Variants in SLA observed in about 807,000 individuals in gnomAD.
SLA encodes Src like adaptor, also known as src-like-adapter.
SLA carries 16 observed loss-of-function variants against 30.3 expected under a neutral mutation model. The ratio of observed to expected loss-of-function variants is 0.53; its 90% CI spans 0.36 to 0.80. The LOEUF is 0.80. Among genes scored for constraint, SLA ranks in the 30% least tolerant of loss-of-function variants. The probability of loss-of-function intolerance (pLI) is 0.01; values close to 1 mark genes in which losing one functional copy is unlikely to be tolerated. For synonymous variants in SLA, 143 were observed against 137.8 expected, an observed-to-expected ratio of 1.04 and a Z score of -0.26; for missense variants, 310 against 345.2, an observed-to-expected ratio of 0.90 and a Z score of 0.81.
intron 3 of SLA, 80 bp from the exon 4 acceptor site, chr8:133,050,995 G>T (rs113255650): frequency 3.8e-6 from 3 of 781,030 alleles, no homozygotes; most frequent in African/African-American, 3.5e-5. Context: ...TGGGAGGGAG[G>T]GTATGAAGAT....
intron 3 of SLA, among the ~76,000 whole-genome samples, chr8:133,053,833 C>T (rs1235213606): frequency 1.3e-5 from 2 of 152,134 alleles, no homozygotes; most frequent in African/African-American, 2.4e-5. Context: ...GTGGAATTTC[C>T]GTAATAGTGA....
chr8:133,039,724 A>G (rs1837798569), intron 8 of SLA, among the ~76,000 whole-genome samples: 1 of 152,232 alleles, frequency 6.6e-6, no homozygotes, highest in South Asian at 2.1e-4. Flanking sequence ...GCTAGAATGT[A>G]TATTGCTAGC....
At chr8:133,058,942 G>A in intron 3 of SLA, 1 of 473,150 alleles carries the variant, frequency 2.1e-6, no homozygotes, top group South Asian at 1.5e-5. Context: ...GCTGGGTCTT[G>A]GCATGCTGGC....
intron 1 of SLA, chr8:133,076,044 T>C (rs985184845): frequency 1.3e-5 from 2 of 152,176 alleles, no homozygotes; most frequent in African/African-American, 4.8e-5. Flanking sequence ...CTCAGGCACA[T>C]GGGGCTTCAG....
chr8:133,036,766 G>T lies in SLA; in HGVS notation c.*1758C>A, dbSNP rs1354803187. 4 of 152,602 alleles carry T rather than the reference G, an allele frequency of 2.6e-5. No individual in the cohort carries two copies. In the East Asian group the frequency reaches 7.7e-4, roughly 29 times the overall value. 9.5% of individuals were successfully genotyped at this position (152,602 alleles called of 1,614,324 possible). On this transcript the variant is annotated 3_prime_UTR_variant, in exon 9 of 9. Coordinates refer to ENST00000338087, the MANE Select transcript of SLA (RefSeq NM_001045556.3). ...ATATTTATTAGGTTTGTTTTAATCA[G>T]GAATAAATACATGATTTAGCAAAGT...
intron 7 of SLA, among the ~76,000 whole-genome samples, chr8:133,041,170 G>A (rs544215821): frequency 1.1e-3 from 165 of 152,338 alleles, no homozygotes; most frequent in Non-Finnish European, 9.0e-4. Flanking sequence ...AGGGGGTGAG[G>A]TGCCACTGGC....
At chr8:133,062,442 C>T (rs983156879) in intron 2 of SLA, among the ~76,000 whole-genome samples, 6 of 152,370 alleles carry the variant, frequency 3.9e-5, no homozygotes, top group South Asian at 2.1e-4. Flanking sequence ...CCACATTCCC[C>T]GCAGTTCAGC....
chr8:133,090,188 A>G (rs1330027960), intron 1 of SLA: 5 of 152,356 alleles, frequency 3.3e-5, no homozygotes, highest in Admixed American at 3.3e-4. Context: ...TGATTTCAAT[A>G]AGCCAGCATT....
At chr8:133,086,612 G>A (rs1362152051) in intron 1 of SLA, among the ~76,000 whole-genome samples, 3 of 152,138 alleles carry the variant, frequency 2.0e-5, no homozygotes, top group African/African-American at 2.4e-5. Flanking sequence ...TCATGGATAT[G>A]TGAATAGATT....
intron 1 of SLA, among the ~76,000 whole-genome samples, chr8:133,082,730 A>G (rs1258382747): frequency 6.6e-6 from 1 of 152,170 alleles, no homozygotes; most frequent in Non-Finnish European, 1.5e-5. Context: ...GCACAAAATG[A>G]CGGTAGGATC....
intron 1 of SLA, among the ~76,000 whole-genome samples, chr8:133,094,365 C>G (rs1848089427): frequency 6.6e-6 from 1 of 151,614 alleles, no homozygotes; most frequent in African/African-American, 2.4e-5. Context: ...CTCAGCCTCC[C>G]AAGTAGCAGG....
chr8:133,080,942 G>A (rs1030746792), intron 1 of SLA, among the ~76,000 whole-genome samples: 3 of 152,202 alleles, frequency 2.0e-5, no homozygotes, highest in African/African-American at 7.2e-5. Flanking sequence ...AAGGCCACTT[G>A]GTGTTTTATT....
At chr8:133,066,097 G>A (rs1842994606) in intron 2 of SLA, among the ~76,000 whole-genome samples, 1 of 152,168 alleles carries the variant, frequency 6.6e-6, no homozygotes, top group Non-Finnish European at 1.5e-5. Flanking sequence ...GCTGAGGCGG[G>A]CAGATCACGA....
chr8:133,102,100 C>T (rs1253071130), intron 1 of SLA, among the ~76,000 whole-genome samples: 1 of 152,176 alleles, frequency 6.6e-6, no homozygotes, highest in Middle Eastern at 3.2e-3. Context: ...GTTCTTTTCC[C>T]TTAATTTTTT....
At chr8:133,040,830 G>A (rs529197352) in intron 7 of SLA, among the ~76,000 whole-genome samples, 151 of 152,258 alleles carry the variant, frequency 9.9e-4, no homozygotes, top group African/African-American at 2.9e-3. Context: ...AGAGGGCAAA[G>A]AGAATGCAGA....
rs529765905 is a variant in SLA at position 133,063,643 on chromosome 8, G to C, written c.-40-3443C>G. On this transcript the variant is annotated intron_variant, in intron 2 of 8. Coordinates refer to ENST00000338087, the MANE Select transcript of SLA (RefSeq NM_001045556.3). Reference sequence around the variant, plus strand: ...AGGCCTGGGTTCTTCTACGCTAACAGTCTTCTCTGCTGTTGCTTGCACTCC... The same window carrying C: ...AGGCCTGGGTTCTTCTACGCTAACACTCTTCTCTGCTGTTGCTTGCACTCC... 2.6e-5 allele frequency: 4 copies of C among 152,306 alleles called. No individual in the cohort carries two copies. In the South Asian group the frequency reaches 8.3e-4, roughly 32 times the overall value. The allele number at this position is 152,306 out of a possible 1,614,324, so 9.4% of individuals were successfully genotyped here. A position where few individuals can be genotyped will look rare whatever the true frequency, so the allele number is the denominator to read the frequency against.
chr8:133,075,126 A>C lies in SLA; in HGVS notation c.-314T>G. 2.0e-6 allele frequency: 2 copies of C among 985,400 alleles called. No homozygotes were observed. The highest frequency in any genetic ancestry group is 2.4e-6 in the Non-Finnish European group (2 of 829,890). The allele number at this position is 985,400 out of a possible 1,614,324, so 61.0% of individuals were successfully genotyped here. On this transcript the variant is annotated 5_prime_UTR_variant, in exon 2 of 9. Transcript: ENST00000338087. ...CCACTCTGAGCAAGCTTCTCTCTGC[A>C]AGGACTGGGAAGATAGATGGGTTAT...
At position 133,038,661 on chromosome 8, in the gene SLA, T is replaced by A; in HGVS notation, c.694A>T (p.Ser232Cys). 6.2e-7 allele frequency: 1 copy of A among 1,613,854 alleles called. No individual in the cohort carries two copies. The highest frequency in any genetic ancestry group is 8.5e-7 in the Non-Finnish European group (1 of 1,179,828). ...ESLFSYGLRE[S>C]IASYLSLTSE... ...GTCAGGGACAGGTAAGAGGCAATGC[T>A]CTCTCGAAGGCCATAGCTGAAAAGG... Residue 232 changes from serine (S) to cysteine (C), a missense_variant, in exon 9 of 9, where the codon AGC (serine) becomes TGC (cysteine). By Grantham distance (112) the Ser-to-Cys change is moderately radical. Transcript: ENST00000338087.
chr8:133,087,296 G>T (rs1357981959), intron 1 of SLA, among the ~76,000 whole-genome samples: 1 of 152,194 alleles, frequency 6.6e-6, no homozygotes, highest in Non-Finnish European at 1.5e-5. Flanking sequence ...AATAAGCTAA[G>T]GTCGCACTGA....
Sources: gnomAD v4.1 joint callset for allele counts (sites outside exome capture counted in the v4.1 genomes callset) on GRCh38, gnomAD v4.1.1 for gene constraint, MANE v1.5 for transcripts, NCBI Gene and HGNC (gene_info 2026-07-23, HGNC 2026-07-21) for gene names.